Variants in CAPZA1 observed in about 807,000 individuals in gnomAD.
CAPZA1 encodes the protein F-actin-capping protein subunit alpha-1.
In CAPZA1, 10 loss-of-function variants were observed where a neutral mutation model predicts 40.8. That is an observed-to-expected ratio of 0.25 (90% CI 0.15 to 0.42). CAPZA1 has a LOEUF of 0.42. Among genes scored for constraint, CAPZA1 ranks in the 10% least tolerant of loss-of-function variants. The probability of loss-of-function intolerance (pLI) is 1.00; values close to 1 mark genes in which losing one functional copy is unlikely to be tolerated. For missense variants in CAPZA1, 277 were observed against 353.8 expected (o/e 0.78, Z 1.74); for synonymous variants, 98 against 115.0 (o/e 0.85, Z 0.95).
intron 5 of CAPZA1, among the ~76,000 whole-genome samples, chr1:112,658,735 T>C (rs1671543581): frequency 1.3e-5 from 2 of 152,226 alleles, no homozygotes; most frequent in African/African-American, 4.8e-5. Context: ...TTTCAGTCTC[T>C]GCTTATCAGA....
At chr1:112,629,118 C>T (rs1275405411) in intron 1 of CAPZA1, among the ~76,000 whole-genome samples, 1 of 152,200 alleles carries the variant, frequency 6.6e-6, no homozygotes, top group African/African-American at 2.4e-5. Flanking sequence ...TTTTCTAAGT[C>T]CCTATGTTCT....
At position 112,651,709 on chromosome 1, in the gene CAPZA1, A is replaced by T. The variant is rs908698464; in HGVS notation, c.156-1889A>T. 2.8e-5 allele frequency among the ~76,000 whole-genome samples: 4 copies of T among 142,124 alleles called. No homozygotes were observed. In the South Asian group the frequency reaches 6.8e-4, roughly 24 times the overall value. The allele number at this position is 142,124 out of a possible 152,430, so 93.2% of individuals were successfully genotyped here. A position where few individuals can be genotyped will look rare whatever the true frequency, so the allele number is the denominator to read the frequency against. On this transcript the variant is annotated intron_variant, in intron 3 of 9. Coordinates refer to ENST00000263168, the MANE Select transcript of CAPZA1 (RefSeq NM_006135.3). ...ATTTACTTCCTACTCGTTTTTTTTT[A>T]AACTAACATTTATTCTACTTTTTAT... is the stretch of plus-strand genomic sequence containing the variant.
At chr1:112,625,436 A>G (rs376880029) in intron 1 of CAPZA1, among the ~76,000 whole-genome samples, 2 of 152,224 alleles carry the variant, frequency 1.3e-5, no homozygotes, top group Non-Finnish European at 1.5e-5. Context: ...CAAGAGGGAA[A>G]AAGTTTCCAA....
intron 3 of CAPZA1, 141 bp downstream of exon 3, chr1:112,649,610 T>C: frequency 2.9e-6 from 2 of 681,946 alleles, no homozygotes; most frequent in Non-Finnish European, 5.1e-6. Context: ...TTGTTTTTTT[T>C]AATTGGAGAA....
At chr1:112,629,820 C>G (rs1356460293) in intron 1 of CAPZA1, among the ~76,000 whole-genome samples, 1 of 152,148 alleles carries the variant, frequency 6.6e-6, no homozygotes, top group Non-Finnish European at 1.5e-5. Flanking sequence ...AGAGTGTTTT[C>G]CCACTACCTT....
intron 2 of CAPZA1, among the ~76,000 whole-genome samples, chr1:112,648,827 G>A (rs1671332504): frequency 6.6e-6 from 1 of 152,090 alleles, no homozygotes; most frequent in South Asian, 2.1e-4. Context: ...GCCAAGCATG[G>A]TGGCAGGTGC....
In CAPZA1 at chr1:112,637,251, A is replaced by G. The variant is rs150500517; in HGVS notation, c.40-9959A>G. Among the ~76,000 whole-genome samples, 69 of 152,398 alleles carry G rather than the reference A, an allele frequency of 4.5e-4. 1 individual carries two copies. In the East Asian group the frequency reaches 0.012, roughly 26 times the overall value. On this transcript the variant is annotated intron_variant, in intron 1 of 9. Transcript: ENST00000263168. ...TCTTTAACAAGCTGTTTTAAAGATC[A>G]ATAAAAGAAACAGCTTACATAAGAG...
rs1553180448 is a variant in CAPZA1, at chr1:112,656,466, T to TTTC, written c.426+1795_426+1796insTTC. On this transcript the variant is annotated intron_variant, in intron 5 of 9. Transcript: ENST00000263168. Reference sequence around the variant, plus strand: ...TTTTTTTTTTTTTTTTTTTTTTTTTTAATGAGAATACCCATTATGGTGGAC... The same window carrying TTTC: ...TTTTTTTTTTTTTTTTTTTTTTTTTTTTCAATGAGAATACCCATTATGGTGGAC... Among the ~76,000 whole-genome samples the TTTC allele has an allele frequency of 6.0e-3, 562 of 94,392 alleles. 97 individuals carry two copies. The highest frequency in any genetic ancestry group is 0.021 in the African/African-American group (527 of 25,052). The allele number at this position is 94,392 out of a possible 152,430, so 61.9% of individuals were successfully genotyped here.
At chr1:112,623,079 G>A (rs537116733) in intron 1 of CAPZA1, among the ~76,000 whole-genome samples, 4 of 151,980 alleles carry the variant, frequency 2.6e-5, no homozygotes, top group African/African-American at 7.2e-5. Context: ...TAGAGACAGG[G>A]TTTCAATATG....
intron 7 of CAPZA1, among the ~76,000 whole-genome samples, chr1:112,660,057 A>G (rs923173557): frequency 7.9e-5 from 12 of 151,920 alleles, no homozygotes; most frequent in Non-Finnish European, 7.4e-5. Flanking sequence ...CAGTTTTAGG[A>G]AAGATTTAAA....
chr1:112,645,558 C>T (rs1446349966), intron 1 of CAPZA1, among the ~76,000 whole-genome samples: 1 of 151,976 alleles, frequency 6.6e-6, no homozygotes, highest in Non-Finnish European at 1.5e-5. Flanking sequence ...CACTTGAACC[C>T]AGGAGTTTGA....
intron 1 of CAPZA1, among the ~76,000 whole-genome samples, chr1:112,640,851 G>C (rs1267864265): frequency 1.3e-5 from 2 of 152,144 alleles, no homozygotes; most frequent in African/African-American, 2.4e-5. Context: ...GTAGACATGG[G>C]AGACTTTTCA....
intron 6 of CAPZA1, 130 bp downstream of exon 6, chr1:112,659,231 T>C (rs1448135963): frequency 1.5e-6 from 1 of 664,076 alleles, no homozygotes; most frequent in Admixed American, 2.7e-5. Flanking sequence ...AAATGAGGGA[T>C]TTAGATTCCT....
chr1:112,639,400 A>G (rs1212551569), intron 1 of CAPZA1, among the ~76,000 whole-genome samples: 2 of 152,210 alleles, frequency 1.3e-5, no homozygotes, highest in African/African-American at 4.8e-5. Flanking sequence ...TTCAAATACT[A>G]CTACTAGATT....
chr1:112,642,692 G>T lies in CAPZA1; in HGVS notation c.40-4518G>T, dbSNP rs1394970656. Reference sequence around the variant, plus strand: ...TTGATACTTCTCTTCCTAGTTTGCCGAATGGGTGAATTATTACTTTTTTAT... The same window carrying T: ...TTGATACTTCTCTTCCTAGTTTGCCTAATGGGTGAATTATTACTTTTTTAT... On this transcript the variant is annotated intron_variant, in intron 1 of 9. Coordinates refer to ENST00000263168, the MANE Select transcript of CAPZA1 (RefSeq NM_006135.3). Among the ~76,000 whole-genome samples the T allele has an allele frequency of 8.6e-5, 13 of 152,034 alleles. No homozygotes were observed. The East Asian group carries it at 2.3e-3, about 27-fold the overall frequency.
At chr1:112,630,045 TTTTTA>T (rs375707253) in intron 1 of CAPZA1, among the ~76,000 whole-genome samples, 216 of 152,248 alleles carry the variant, frequency 1.4e-3, no homozygotes, top group African/African-American at 4.9e-3. Flanking sequence ...GTTTTTAATT[TTTTTA>T]TTTTATTTTT....
At chr1:112,647,412 A>G in intron 2 of CAPZA1, 139 bp downstream of exon 2, 1 of 447,976 alleles carries the variant, frequency 2.2e-6, no homozygotes, top group South Asian at 7.4e-5. Context: ...AACTTGTCCA[A>G]GGTCCCCCAG....
At chr1:112,624,393 G>T (rs1570697964) in intron 1 of CAPZA1, among the ~76,000 whole-genome samples, 1 of 152,176 alleles carries the variant, frequency 6.6e-6, no homozygotes, top group East Asian at 1.9e-4. Flanking sequence ...CAGATCATCT[G>T]AGGTCAGGAG....
chr1:112,649,419 C>G lies in CAPZA1; in HGVS notation c.105C>G (p.Asp35Glu). ...PPGEFNEVFN[D>E]VRLLLNNDNL... ...CATTGTAACATTTTTCCTCCTCAGA[C>G]GTTCGGCTACTACTTAATAATGACA... The change falls in exon 3 of 10, where the codon GAC becomes GAG. Residue 35 changes from aspartate to glutamate, a missense_variant and splice_region_variant. Physicochemically the swap from Asp to Glu is conservative, Grantham distance 45 (BLOSUM62 2). Transcript: ENST00000263168. The G allele has an allele frequency of 6.2e-7, 1 of 1,611,518 alleles. No homozygotes were observed. The highest frequency in any genetic ancestry group is 8.5e-7 in the Non-Finnish European group (1 of 1,178,010).
Sources: gnomAD v4.1 joint callset for allele counts (sites outside exome capture counted in the v4.1 genomes callset) on GRCh38, gnomAD v4.1.1 for gene constraint, MANE v1.5 for transcripts, NCBI Gene and HGNC (gene_info 2026-07-23, HGNC 2026-07-21) for gene names.